The following RANBP2 variants were observed in gnomAD, a reference collection of about 807,000 sequenced individuals.
RANBP2 encodes E3 SUMO-protein ligase RanBP2.
In RANBP2, 57 loss-of-function variants were observed where a neutral mutation model predicts 303.6. The observed-to-expected ratio is 0.19, with a 90% confidence interval of 0.15 to 0.23. The LOEUF is 0.23. RANBP2 is among the 10% of genes least tolerant of loss of function. The pLI, the probability that RANBP2 is intolerant of heterozygous loss-of-function variation, is 1.00. For synonymous variants in RANBP2, 1,167 were observed against 1,301.5 expected (o/e 0.90, Z 2.23); for missense variants, 3,138 against 3,780.8 (o/e 0.83, Z 4.46).
chr2:108,729,115 CTT>C lies in RANBP2; in HGVS notation c.73-14_73-13del, dbSNP rs764626030. The C allele has an allele frequency of 2.9e-5, 46 of 1,567,824 alleles. No individual in the cohort carries two copies. The highest frequency in any genetic ancestry group is 3.6e-5 in the Non-Finnish European group (42 of 1,158,616). On this transcript the variant is annotated splice_polypyrimidine_tract_variant and intron_variant, in intron 1 of 28. Coordinates refer to ENST00000283195, the MANE Select transcript of RANBP2 (RefSeq NM_006267.5). ...TATTTCTGTATGAAAAGTAAAACAA[CTT>C]TTAATTTTTTTTAGAAGTCAATGAA...
the RANBP2 span, among the ~76,000 whole-genome samples, chr2:109,316,526 C>T: frequency 6.6e-6 from 1 of 152,194 alleles, no homozygotes; most frequent in African/African-American, 2.4e-5. Flanking sequence ...GAGATTTCCT[C>T]TGCTTTTCTG....
chr2:109,446,999 C>T, the RANBP2 span, among the ~76,000 whole-genome samples: 14 of 151,956 alleles, frequency 9.2e-5, no homozygotes, highest in East Asian at 2.7e-3. Flanking sequence ...GAGGAGCGGC[C>T]TCTGAGTCAG....
chr2:108,944,606 C>T, the RANBP2 span, among the ~76,000 whole-genome samples: 1 of 152,062 alleles, frequency 6.6e-6, no homozygotes, highest in African/African-American at 2.4e-5. Flanking sequence ...CCTCAGCAGA[C>T]CTTACGAAGC....
intron 28 of RANBP2, 33 bp from the exon 29 acceptor site, chr2:108,783,563 T>G (rs1184455953): frequency 6.5e-7 from 1 of 1,529,698 alleles, no homozygotes. Context: ...TGAAAAAAAT[T>G]TTTAACTTTT....
chr2:108,810,197 G>A, the RANBP2 span, among the ~76,000 whole-genome samples: 4 of 152,156 alleles, frequency 2.6e-5, no homozygotes, highest in African/African-American at 4.8e-5. Flanking sequence ...AGAGTGGTGA[G>A]AATGAGCATC....
At chr2:109,385,260 T>TA in the RANBP2 span, among the ~76,000 whole-genome samples, 1 of 152,154 alleles carries the variant, frequency 6.6e-6, no homozygotes, top group African/African-American at 2.4e-5. Flanking sequence ...ATTGGAGACA[T>TA]AGTGAAGTGC....
the RANBP2 span, among the ~76,000 whole-genome samples, chr2:109,434,194 G>A: frequency 6.6e-6 from 1 of 152,220 alleles, no homozygotes; most frequent in Non-Finnish European, 1.5e-5. Flanking sequence ...CCTCCAGGAA[G>A]GCGCAGCCTG....
the RANBP2 span, among the ~76,000 whole-genome samples, chr2:109,554,191 T>C: frequency 6.6e-6 from 1 of 152,188 alleles, no homozygotes; most frequent in African/African-American, 2.4e-5. Flanking sequence ...GCAGTCATTA[T>C]GGTGGAGGTG....
chr2:108,916,572 A>G, the RANBP2 span, among the ~76,000 whole-genome samples: 1 of 152,016 alleles, frequency 6.6e-6, no homozygotes. Flanking sequence ...GTTCCCTCCA[A>G]ACACCTCCAG....
At chr2:108,780,891 T>G (rs1371941338) in intron 25 of RANBP2, among the ~76,000 whole-genome samples, 1 of 152,142 alleles carries the variant, frequency 6.6e-6, no homozygotes, top group Non-Finnish European at 1.5e-5. Flanking sequence ...GTATTTTTAG[T>G]AGAGACGGGG....
At position 108,763,301 on chromosome 2, in the gene RANBP2, T is replaced by C. The variant is rs560817931; in HGVS notation, c.2762T>C (p.Met921Thr). 3 of 1,613,964 alleles carry C rather than the reference T, an allele frequency of 1.9e-6. No individual in the cohort carries two copies. The African/African-American group carries it at 4.0e-5, about 22-fold the overall frequency. The stretch of plus-strand genomic sequence containing the variant: ...CATATTTATGCCTATCCGCAACAGA[T>C]GCACACACCGCCAGTGCAAAGCTCA... The part of the protein sequence containing the change: ...QQHIYAYPQQ[M>T]HTPPVQSSSA... Residue 921 changes from methionine to threonine, a missense_variant, in exon 20 of 29, where the codon ATG (methionine) becomes ACG (threonine). By Grantham distance (81) the Met-to-Thr change is moderately conservative. Around this residue, in one of 20 missense-constraint regions of RANBP2, gnomAD observed 403 missense variants for 376.7 expected, o/e 1.07. Transcript: ENST00000283195.
the RANBP2 span, among the ~76,000 whole-genome samples, chr2:109,015,844 T>G: frequency 6.6e-6 from 1 of 152,218 alleles, no homozygotes; most frequent in Admixed American, 6.5e-5. Context: ...CAACTGTTTA[T>G]GTTATCCGTA....
chr2:108,906,608 C>T, the RANBP2 span, among the ~76,000 whole-genome samples: 1 of 152,216 alleles, frequency 6.6e-6, no homozygotes, highest in Non-Finnish European at 1.5e-5. Flanking sequence ...GGTGGTCAGA[C>T]TCGTAAGATA....
At chr2:109,600,416 G>A in the RANBP2 span, among the ~76,000 whole-genome samples, 1 of 151,754 alleles carries the variant, frequency 6.6e-6, no homozygotes, top group Admixed American at 6.6e-5. Context: ...ATTATTCTGT[G>A]CATCTGACAA....
intron 18 of RANBP2, among the ~76,000 whole-genome samples, chr2:108,759,482 G>C (rs1044867319): frequency 1.1e-4 from 17 of 152,114 alleles, no homozygotes; most frequent in African/African-American, 3.9e-4. Context: ...GGTAGTAGTA[G>C]TAGTGCCCTT....
At chr2:109,316,628 C>T in the RANBP2 span, among the ~76,000 whole-genome samples, 7 of 152,198 alleles carry the variant, frequency 4.6e-5, no homozygotes, top group African/African-American at 1.7e-4. Flanking sequence ...TCCTGCCCCG[C>T]CCCCATGTGC....
the RANBP2 span, among the ~76,000 whole-genome samples, chr2:109,579,712 C>T: frequency 6.6e-6 from 1 of 151,886 alleles, no homozygotes; most frequent in East Asian, 1.9e-4. Flanking sequence ...TTAGTTCTAC[C>T]AAACATTCCA....
At chr2:109,454,061 C>T in the RANBP2 span, among the ~76,000 whole-genome samples, 2 of 152,220 alleles carry the variant, frequency 1.3e-5, no homozygotes, top group African/African-American at 2.4e-5. Context: ...TAAATACTAT[C>T]GTATAATAAT....
chr2:108,759,068 A>G (rs1676535170), intron 18 of RANBP2, among the ~76,000 whole-genome samples: 1 of 150,704 alleles, frequency 6.6e-6, no homozygotes, highest in South Asian at 2.2e-4. Flanking sequence ...TGAAACGTGG[A>G]GATAATACTT....
Sources: allele counts gnomAD v4.1 joint callset (sites outside exome capture counted in the v4.1 genomes callset), GRCh38; gene constraint gnomAD v4.1.1; regional missense constraint gnomAD v4.1.1; transcripts MANE v1.5; gene names NCBI Gene and HGNC (gene_info 2026-07-23, HGNC 2026-07-21).